Variants in GSDMC observed in about 807,000 individuals in gnomAD.
GSDMC encodes the protein gasdermin-C.
GSDMC carries 59 observed loss-of-function variants against 58.0 expected under a neutral mutation model. That is an observed-to-expected ratio of 1.02 (90% CI 0.82 to 1.26). The LOEUF (loss-of-function observed/expected upper bound fraction) is 1.26, where lower values mean the gene tolerates loss of function less well. Ranked by LOEUF, GSDMC falls within the 50% of genes most tolerant of loss-of-function variation. GSDMC has a pLI of 0.00. For synonymous variants in GSDMC, 241 were observed against 220.2 expected (o/e 1.09, Z -0.83); for missense variants, 659 against 598.5 (o/e 1.10, Z -1.06).
the GSDMC span, among the ~76,000 whole-genome samples, chr8:129,741,782 A>G: frequency 6.6e-6 from 1 of 151,284 alleles, no homozygotes; most frequent in African/African-American, 2.4e-5. Context: ...TCCCACTTCT[A>G]GTTATATATC....
the GSDMC span, among the ~76,000 whole-genome samples, chr8:129,707,571 AT>A: frequency 2.0e-5 from 3 of 152,248 alleles, no homozygotes; most frequent in African/African-American, 7.2e-5. Flanking sequence ...CCAAAATTAT[AT>A]AATTCAAAAT....
the GSDMC span, among the ~76,000 whole-genome samples, chr8:129,740,590 A>C: frequency 6.6e-6 from 1 of 152,214 alleles, no homozygotes; most frequent in Non-Finnish European, 1.5e-5. Context: ...GCCATACCAT[A>C]TAGCTTAGGT....
At chr8:129,762,955 G>T (rs1308240528) in intron 4 of GSDMC, among the ~76,000 whole-genome samples, 1 of 151,908 alleles carries the variant, frequency 6.6e-6, no homozygotes. Context: ...TTTCTTTCCA[G>T]ATTTAACTAT....
chr8:129,737,529 A>T, the GSDMC span, among the ~76,000 whole-genome samples: 1 of 152,252 alleles, frequency 6.6e-6, no homozygotes, highest in Non-Finnish European at 1.5e-5. Flanking sequence ...TGACAAAAAC[A>T]AGAAATGGGG....
intron 5 of GSDMC, 47 bp from the exon 6 acceptor site, chr8:129,760,636 T>TGCCTGAGTCTTTCCCGTA (rs11276511): frequency 9.2e-6 from 10 of 1,083,582 alleles, no homozygotes; most frequent in South Asian, 1.3e-5. Context: ...AGGTTATTCC[T>TGCCTGAGTCTTTCCCGTA]GCCTGAACCT....
At chr8:129,711,511 T>C in the GSDMC span, among the ~76,000 whole-genome samples, 1 of 152,172 alleles carries the variant, frequency 6.6e-6, no homozygotes, top group Non-Finnish European at 1.5e-5. Flanking sequence ...ATTAATAACA[T>C]GGTCTTTACA....
chr8:129,709,589 A>G, the GSDMC span, among the ~76,000 whole-genome samples: 1 of 131,126 alleles, frequency 7.6e-6, no homozygotes, highest in Non-Finnish European at 1.7e-5. Context: ...AGATAGATAG[A>G]TGATAGATAG....
downstream of GSDMC, among the ~76,000 whole-genome samples, chr8:129,743,380 T>C (rs2032904395): frequency 6.6e-6 from 1 of 152,176 alleles, no homozygotes; most frequent in South Asian, 2.1e-4. Context: ...ACAGTGTATT[T>C]TTATTTCACA....
chr8:129,778,797 G>C (rs555299012), intron 1 of GSDMC, among the ~76,000 whole-genome samples: 52 of 147,472 alleles, frequency 3.5e-4, no homozygotes, highest in African/African-American at 1.3e-3. Context: ...GTGGGCAAAC[G>C]ACATGAAGAG....
intron 1 of GSDMC, among the ~76,000 whole-genome samples, chr8:129,781,465 C>A (rs761517665): frequency 6.6e-6 from 1 of 152,060 alleles, no homozygotes; most frequent in Non-Finnish European, 1.5e-5. Context: ...AGACTTCAGG[C>A]GAGACGCGAT....
intron 3 of GSDMC, 23 bp from the exon 4 acceptor site, chr8:129,765,816 C>A (rs761584008): frequency 2.5e-6 from 4 of 1,607,076 alleles, no homozygotes; most frequent in Non-Finnish European, 3.4e-6. Flanking sequence ...GGAAGGAGGA[C>A]AAGAGTCAGA....
At chr8:129,718,345 C>T in the GSDMC span, among the ~76,000 whole-genome samples, 2 of 152,074 alleles carry the variant, frequency 1.3e-5, no homozygotes, top group African/African-American at 4.8e-5. Context: ...ACAAACAACC[C>T]CATCAAAATT....
At chr8:129,733,115 G>C in the GSDMC span, among the ~76,000 whole-genome samples, 2 of 152,244 alleles carry the variant, frequency 1.3e-5, no homozygotes, top group African/African-American at 4.8e-5. Context: ...AGAGGGAGGT[G>C]TCCGCCATTG....
the GSDMC span, among the ~76,000 whole-genome samples, chr8:129,716,630 C>T: frequency 1.3e-5 from 2 of 152,222 alleles, no homozygotes; most frequent in South Asian, 2.1e-4. Context: ...GCCTGATTGC[C>T]CTGGTCACAA....
intron 8 of GSDMC, 52 bp from the exon 9 acceptor site, chr8:129,751,943 T>C: frequency 2.6e-6 from 4 of 1,566,276 alleles, no homozygotes; most frequent in Non-Finnish European, 2.6e-6. Flanking sequence ...ACTAGATTTC[T>C]CCAACCTTCT....
the GSDMC span, chr8:129,707,238 G>A: frequency 1.3e-5 from 2 of 151,760 alleles, no homozygotes; most frequent in South Asian, 4.2e-4. Flanking sequence ...GTGCTGATCA[G>A]GCATCTAAAA....
intron 1 of GSDMC, among the ~76,000 whole-genome samples, chr8:129,780,204 A>G (rs2034364077): frequency 6.6e-6 from 1 of 152,212 alleles, no homozygotes; most frequent in African/African-American, 2.4e-5. Flanking sequence ...GAAGATTGAG[A>G]AACAGATAGG....
chr8:129,736,308 A>G, the GSDMC span, among the ~76,000 whole-genome samples: 1 of 152,242 alleles, frequency 6.6e-6, no homozygotes, highest in Non-Finnish European at 1.5e-5. Context: ...CATCGTTCTG[A>G]TACCAAAGCC....
chr8:129,781,705 G>A (rs548125830), intron 1 of GSDMC, among the ~76,000 whole-genome samples: 281 of 149,706 alleles, frequency 1.9e-3, no homozygotes, highest in Non-Finnish European at 3.1e-3. Context: ...AGCGGAGATC[G>A]CGCCACTGCA....
Sources: allele counts gnomAD v4.1 joint callset (sites outside exome capture counted in the v4.1 genomes callset), GRCh38; gene constraint gnomAD v4.1.1; transcripts MANE v1.5; gene names NCBI Gene and HGNC (gene_info 2026-07-23, HGNC 2026-07-21).